The following ADTRP variants were observed in gnomAD, a reference collection of about 807,000 sequenced individuals.
ADTRP encodes the protein androgen-dependent TFPI-regulating protein.
In ADTRP, 20 loss-of-function variants were observed where a neutral mutation model predicts 27.0. The observed-to-expected ratio is 0.74, with a 90% CI of 0.52 to 1.08. ADTRP has a LOEUF of 1.08. Among genes scored for constraint, ADTRP ranks in the 50% least tolerant of loss-of-function variants. The pLI is 0.00. For missense variants in ADTRP, 251 were observed against 275.0 expected (o/e 0.91, Z 0.62); for synonymous variants, 101 against 105.2 (o/e 0.96, Z 0.25).
chr6:11,775,327 C>G lies in ADTRP; in HGVS notation c.153+3280G>C, dbSNP rs557569141. On this transcript the variant is annotated intron_variant, in intron 1 of 5. Transcript: ENST00000414691. Reference sequence around the variant, plus strand: ...AACACCCTGCTGACGCCATTCTGAGCGCTTCCCACCTGTCAGATCATTTCT... The same window carrying G: ...AACACCCTGCTGACGCCATTCTGAGGGCTTCCCACCTGTCAGATCATTTCT... Among the ~76,000 whole-genome samples the G allele has an allele frequency of 7.9e-5, 12 of 152,228 alleles. No homozygotes were observed. In the East Asian group the frequency reaches 2.3e-3, roughly 29 times the overall value.
chr6:11,739,713 A>G (rs950019193), intron 3 of ADTRP, among the ~76,000 whole-genome samples: 1 of 152,228 alleles, frequency 6.6e-6, no homozygotes, highest in Non-Finnish European at 1.5e-5. Flanking sequence ...AAGTGGCTCC[A>G]TTAAACAATT....
intron 4 of ADTRP, among the ~76,000 whole-genome samples, chr6:11,730,798 C>A (rs72819649): frequency 0.04 from 6,024 of 152,318 alleles, 166 homozygotes; most frequent in Non-Finnish European, 0.054. Flanking sequence ...TTGTACGGGG[C>A]ATGCAATACT....
chr6:11,763,229 G>A (rs1763448272), intron 3 of ADTRP, among the ~76,000 whole-genome samples: 1 of 152,196 alleles, frequency 6.6e-6, no homozygotes, highest in Non-Finnish European at 1.5e-5. Context: ...GAGCTGCAAG[G>A]GTTGAGCTGG....
intron 3 of ADTRP, among the ~76,000 whole-genome samples, chr6:11,766,061 C>A (rs1763560621): frequency 6.6e-6 from 1 of 152,196 alleles, no homozygotes; most frequent in South Asian, 2.1e-4. Context: ...CAGACTCTCA[C>A]CTGGACATCT....
chr6:11,746,104 T>G (rs78332705), intron 3 of ADTRP, among the ~76,000 whole-genome samples: 1 of 152,182 alleles, frequency 6.6e-6, no homozygotes, highest in Admixed American at 6.5e-5. Flanking sequence ...ACTTTTTTTT[T>G]CTTGCTAAGA....
In ADTRP at chr6:11,731,090, T is replaced by C. The variant is rs189144944; in HGVS notation, c.506+4478A>G. Among the ~76,000 whole-genome samples, 150 of 152,296 alleles carry C rather than the reference T, an allele frequency of 9.8e-4. 1 individual carries two copies. In the Middle Eastern group the frequency reaches 0.014, roughly 14 times the overall value. On this transcript the variant is annotated intron_variant, in intron 4 of 5. Transcript: ENST00000414691. ...TGCTCAGAACAGTGTGCAGCATGGG[T>C]TGTGCAGTGCACGACAGGGGCATGT...
chr6:11,760,774 T>C (rs986341537), intron 3 of ADTRP, among the ~76,000 whole-genome samples: 2 of 152,204 alleles, frequency 1.3e-5, no homozygotes, highest in African/African-American at 4.8e-5. Flanking sequence ...ACAATTGATT[T>C]CCTTATTCAC....
At chr6:11,758,577 G>GGT (rs1763291686) in intron 3 of ADTRP, among the ~76,000 whole-genome samples, 1 of 120,372 alleles carries the variant, frequency 8.3e-6, no homozygotes, top group African/African-American at 3.2e-5. Flanking sequence ...TTGTGGGGTG[G>GGT]GGGGGGGGGA....
chr6:11,728,926 C>T (rs543823031), intron 4 of ADTRP, among the ~76,000 whole-genome samples: 28 of 152,292 alleles, frequency 1.8e-4, no homozygotes, highest in East Asian at 3.9e-4. Context: ...AGGCCAATGA[C>T]GTTGCCCCTC....
At chr6:11,735,356 G>A (rs1762515540) in intron 4 of ADTRP, among the ~76,000 whole-genome samples, 1 of 152,238 alleles carries the variant, frequency 6.6e-6, no homozygotes, top group African/African-American at 2.4e-5. Flanking sequence ...TGCTGTGTAT[G>A]TGTGTGCACA....
chr6:11,765,388 T>C (rs1763536193), intron 3 of ADTRP, among the ~76,000 whole-genome samples: 2 of 139,152 alleles, frequency 1.4e-5, no homozygotes, highest in South Asian at 2.4e-4. Context: ...AGTGCAATGG[T>C]GCGATCTTGG....
In ADTRP at chr6:11,714,379, A is replaced by G. The variant is rs1300556590; in HGVS notation, c.*99T>C. 6.5e-6 allele frequency: 9 copies of G among 1,379,958 alleles called. No individual in the cohort carries two copies. The highest frequency in any genetic ancestry group is 8.0e-6 in the Non-Finnish European group (8 of 994,666). The allele number at this position is 1,379,958 out of a possible 1,614,324, so 85.5% of individuals were successfully genotyped here. A position where few individuals can be genotyped will look rare whatever the true frequency, so the allele number is the denominator to read the frequency against. ...CACTCTCTGTCCCTCCTACTTTGCT[A>G]TGTTCCTCCACCACCTCCCTCCACC... On this transcript the variant is annotated 3_prime_UTR_variant, in exon 6 of 6. Transcript: ENST00000414691.
At chr6:11,746,544 A>G (rs537854817) in intron 3 of ADTRP, among the ~76,000 whole-genome samples, 2 of 152,306 alleles carry the variant, frequency 1.3e-5, no homozygotes, top group South Asian at 4.1e-4. Flanking sequence ...ACATTGCCAA[A>G]TGTCCCCTGC....
intron 3 of ADTRP, among the ~76,000 whole-genome samples, chr6:11,739,711 C>A (rs1264553199): frequency 6.6e-6 from 1 of 152,120 alleles, no homozygotes; most frequent in African/African-American, 2.4e-5. Flanking sequence ...ATAAGTGGCT[C>A]CATTAAACAA....
chr6:11,719,816 G>T (rs1337149423), intron 5 of ADTRP, among the ~76,000 whole-genome samples: 2 of 152,182 alleles, frequency 1.3e-5, no homozygotes, highest in Non-Finnish European at 2.9e-5. Flanking sequence ...TTAATCACTT[G>T]CAGCTGGGAA....
At chr6:11,739,332 A>G (rs1762645731) in intron 3 of ADTRP, among the ~76,000 whole-genome samples, 1 of 152,178 alleles carries the variant, frequency 6.6e-6, no homozygotes, top group African/African-American at 2.4e-5. Flanking sequence ...TAGTGGAGCT[A>G]TCTTTCCTTG....
chr6:11,725,517 A>T (rs973958425), intron 4 of ADTRP, among the ~76,000 whole-genome samples: 33 of 152,178 alleles, frequency 2.2e-4, no homozygotes, highest in Admixed American at 6.5e-5. Flanking sequence ...TATTTTTTTT[A>T]AAAAGACAAG....
intron 5 of ADTRP, among the ~76,000 whole-genome samples, chr6:11,716,963 T>C (rs957976953): frequency 2.0e-5 from 3 of 150,360 alleles, no homozygotes; most frequent in Admixed American, 6.7e-5. Context: ...TGAGCTCAAG[T>C]GATCCACCCG....
intron 3 of ADTRP, among the ~76,000 whole-genome samples, chr6:11,740,600 G>T (rs568833253): frequency 3.3e-5 from 5 of 152,314 alleles, no homozygotes; most frequent in Non-Finnish European, 7.3e-5. Flanking sequence ...AAGGCATGCA[G>T]TAATAGTTGT....
Sources: allele counts gnomAD v4.1 joint callset (sites outside exome capture counted in the v4.1 genomes callset), GRCh38; gene constraint gnomAD v4.1.1; transcripts MANE v1.5; gene names NCBI Gene and HGNC (gene_info 2026-07-23, HGNC 2026-07-21).